Variants in PEG3 observed in about 807,000 individuals in gnomAD.
The protein encoded by PEG3 is paternally-expressed gene 3 protein.
In PEG3, 23 loss-of-function variants were observed where a neutral mutation model predicts 35.5. The ratio of observed to expected loss-of-function variants is 0.65; its 90% CI spans 0.47 to 0.92. PEG3 has a LOEUF of 0.92. PEG3 is among the 40% of genes least tolerant of loss of function. PEG3 has a pLI of 0.00. For synonymous variants in PEG3, 707 were observed against 697.0 expected, an observed-to-expected ratio of 1.01 and a Z score of -0.23; for missense variants, 1,960 against 1,985.3, an observed-to-expected ratio of 0.99 and a Z score of 0.24.
At position 56,816,022 on chromosome 19, in the gene PEG3, A is replaced by G; in HGVS notation, c.2420T>C (p.Ile807Thr). Residue 807 changes from isoleucine (I) to threonine (T), a missense_variant, in exon 10 of 10, where the codon ATT (isoleucine) becomes ACT (threonine). Ile to Thr is a moderately conservative substitution (Grantham distance 89). Coordinates refer to ENST00000326441, the MANE Select transcript of PEG3 (RefSeq NM_006210.3). ...SKPKVMAEST[I>T]QSFDAINHQR... The stretch of plus-strand genomic sequence containing the variant: ...ATGGTTGATAGCATCGAAGCTCTGA[A>G]TGGTAGACTCTGCCATTACTTTTGG... The G allele has an allele frequency of 6.3e-7, 1 of 1,593,296 alleles. No individual in the cohort carries two copies. The highest frequency in any genetic ancestry group is 8.5e-7 in the Non-Finnish European group (1 of 1,170,546).
rs553493607 is a variant in PEG3 at position 56,825,282 on chromosome 19, A to G, written c.-86-541T>C. On this transcript the variant is annotated intron_variant, in intron 3 of 9. Coordinates refer to ENST00000326441, the MANE Select transcript of PEG3 (RefSeq NM_006210.3). ...TACAACATGTAAAAAATGGAAGACC[A>G]TTCAAAAATATTAAAAGTACTCAAC... 3.3e-5 allele frequency among the ~76,000 whole-genome samples: 5 copies of G among 152,384 alleles called. No individual in the cohort carries two copies. The South Asian group carries it at 6.2e-4, about 19-fold the overall frequency.
In PEG3 at chr19:56,823,739, C is replaced by T. The variant is rs2060736749; in HGVS notation, c.395-60G>A. On this transcript the variant is annotated intron_variant, in intron 4 of 9. Transcript: ENST00000326441. ...GGCCCACATTCTCACAATAGTTCCC[C>T]CCAATCCCTGAGCCGCATCTCCCTG... 5 of 1,586,624 alleles carry T rather than the reference C, an allele frequency of 3.2e-6. No individual in the cohort carries two copies. In the South Asian group the frequency reaches 5.5e-5, roughly 18 times the overall value.
chr19:56,814,203 C>G lies in PEG3; in HGVS notation c.4239G>C (p.Val1413=). ...CCTCTCCGTTTGGCTCAGCAGCCTC[C>G]ACTTCTGGCTCAGCAGCCTCCACTT... The part of the protein sequence containing the change: ...EPEVEAAEPE[V]EAAEPNGEAE... Residue 1413 remains valine (V), a synonymous_variant, in exon 10 of 10, where the codon GTG becomes GTC. Transcript: ENST00000326441. This position sits in a 1 kb window ranked among gnomAD's most constrained non-coding sequence, Gnocchi z 5.8. 6.2e-7 allele frequency: 1 copy of G among 1,611,296 alleles called. No individual in the cohort carries two copies. Among genetic ancestry groups the G allele is most frequent in the Non-Finnish European group, 8.5e-7 (1 of 1,178,194 alleles).
chr19:56,816,978 G>A lies in PEG3; in HGVS notation c.1464C>T (p.His488=), dbSNP rs2060038627. 6.2e-7 allele frequency: 1 copy of A among 1,614,162 alleles called. No homozygotes were observed. The highest frequency in any genetic ancestry group is 1.6e-4 in the Middle Eastern group (1 of 6,062). Residue 488 remains histidine (H), a synonymous_variant, in exon 10 of 10, where the codon CAC becomes CAT. Coordinates refer to ENST00000326441, the MANE Select transcript of PEG3 (RefSeq NM_006210.3). ...TCTGAACTTCACTGACAGCCACACTGTGGATAAAGGACTCACCATACTCAT... is the reference window on the plus strand; with the variant it reads ...TCTGAACTTCACTGACAGCCACACTATGGATAAAGGACTCACCATACTCAT... ...NLYEYGESFI[H]SVAVSEVQKS...
chr19:56,824,750 C>T lies in PEG3; in HGVS notation c.-86-9G>A, dbSNP rs2060855861. The T allele has an allele frequency of 7.4e-6, 9 of 1,209,804 alleles. No individual in the cohort carries two copies. Among genetic ancestry groups the T allele is most frequent in the South Asian group, 1.5e-5 (1 of 67,318 alleles). The allele number at this position is 1,209,804 out of a possible 1,614,324, so 74.9% of individuals were successfully genotyped here. A position where few individuals can be genotyped will look rare whatever the true frequency, so the allele number is the denominator to read the frequency against. On this transcript the variant is annotated splice_polypyrimidine_tract_variant and intron_variant, in intron 3 of 9. Transcript: ENST00000326441. ...CGTCAGTACTCAGGGACCTGTGGAT[C>T]GTAAGGAGATATACACATGTCCCAG...
chr19:56,815,432 A>G lies in PEG3; in HGVS notation c.3010T>C (p.Trp1004Arg). The G allele has an allele frequency of 6.2e-7, 1 of 1,614,140 alleles. No individual in the cohort carries two copies. The highest frequency in any genetic ancestry group is 8.5e-7 in the Non-Finnish European group (1 of 1,179,978). Residue 1004 changes from tryptophan to arginine, a missense_variant, in exon 10 of 10, where the codon TGG (tryptophan) becomes CGG (arginine). Trp to Arg is a moderately radical substitution (Grantham distance 101). This residue lies in a region of PEG3 where 798 missense variants were observed against 782.4 expected (regional missense o/e 1.02). Transcript: ENST00000326441. ...GGGGCCAAGCTGCGAATGACAGACC[A>G]TTCATAGTTTCTGCTTCCAGAGGGC... The part of the protein sequence containing the change: ...EKPSGSRNYE[W>R]SVIRSLAPTD...
intron 7 of PEG3, among the ~76,000 whole-genome samples, chr19:56,819,187 A>T (rs1240755306): frequency 2.0e-5 from 3 of 152,154 alleles, no homozygotes; most frequent in Admixed American, 1.3e-4. Flanking sequence ...GTACTCAGGG[A>T]ACAGAAAGAA....
chr19:56,832,608 G>A (rs1362420218), intron 2 of PEG3, among the ~76,000 whole-genome samples: 2 of 152,158 alleles, frequency 1.3e-5, no homozygotes, highest in South Asian at 2.1e-4. Flanking sequence ...AGCAGTTAGG[G>A]GCACACAAGG....
At position 56,815,827 on chromosome 19, in the gene PEG3, C is replaced by T. The variant is rs1331847400; in HGVS notation, c.2615G>A (p.Arg872Gln). 6 of 1,613,344 alleles carry T rather than the reference C, an allele frequency of 3.7e-6. No homozygotes were observed. The highest frequency in any genetic ancestry group is 1.6e-4 in the Middle Eastern group (1 of 6,082). Reference sequence around the variant, plus strand: ...GTTCTCTCTGGCAGGAATCTTCTGTCGCTTATCATTAAGGTCTGAGATATA... The same window carrying T: ...GTTCTCTCTGGCAGGAATCTTCTGTTGCTTATCATTAAGGTCTGAGATATA... ...SIYISDLNDK[R>Q]QKIPARENPC... Residue 872 changes from arginine (R) to glutamine (Q), a missense_variant, in exon 10 of 10, where the codon CGA (arginine) becomes CAA (glutamine). Transcript: ENST00000326441.
chr19:56,813,931 T>C lies in PEG3; in HGVS notation c.4511A>G (p.Tyr1504Cys), dbSNP rs779784003. ...TTCTGTGCATTCATGGCAGTCATAG[T>C]ATGGTTCTTCTACCTGAATCTCTTG... ...EDQEIQVEEPYYDCHECTETF... is the reference protein window; with the variant it reads ...EDQEIQVEEPCYDCHECTETF... The change falls in exon 10 of 10, where the codon TAC (tyrosine) becomes TGC (cysteine). Residue 1504 changes from tyrosine to cysteine, a missense_variant. Physicochemically the swap from Tyr to Cys is radical, Grantham distance 194 (BLOSUM62 -2). Around this residue, in one of 5 missense-constraint regions of PEG3, gnomAD observed 416 missense variants for 416.7 expected, o/e 1.00. Transcript: ENST00000326441. 1.3e-5 allele frequency: 21 copies of C among 1,614,088 alleles called. 1 individual carries two copies. In the South Asian group the frequency reaches 2.3e-4, roughly 18 times the overall value.
rs748937128 is a variant in PEG3, at chr19:56,815,501, T to C, written c.2941A>G (p.Ser981Gly). 1 of 1,614,138 alleles carries C rather than the reference T, an allele frequency of 6.2e-7. No homozygotes were observed. The highest frequency in any genetic ancestry group is 8.5e-7 in the Non-Finnish European group (1 of 1,180,008). Residue 981 changes from serine to glycine, a missense_variant, in exon 10 of 10, where the codon AGC becomes GGC. Transcript: ENST00000326441. ...TTCTGGTGCTCAGTGAGGTCAGAGC[T>C]ATGAGCAAAGCACTCCCCACACTCC... ...CQECGECFAH[S>G]SDLTEHQKIH...
chr19:56,819,809 T>C (rs529121216), intron 7 of PEG3, among the ~76,000 whole-genome samples: 2 of 152,212 alleles, frequency 1.3e-5, no homozygotes, highest in East Asian at 3.9e-4. Flanking sequence ...AAATCTACCA[T>C]AGTTCTATTG....
At position 56,814,817 on chromosome 19, in the gene PEG3, G is replaced by T; in HGVS notation, c.3625C>A (p.Arg1209=). 1 of 1,614,152 alleles carries T rather than the reference G, an allele frequency of 6.2e-7. No individual in the cohort carries two copies. Among genetic ancestry groups the T allele is most frequent in the South Asian group, 1.1e-5 (1 of 91,074 alleles). The change falls in exon 10 of 10, where the codon CGG becomes AGG. Residue 1209 remains arginine, a synonymous_variant. Transcript: ENST00000326441. This position sits in a 1 kb window ranked among gnomAD's most constrained non-coding sequence, Gnocchi z 5.8. ...GFIALLPMKP[R]RNRAAERNPA... The stretch of plus-strand genomic sequence containing the variant: ...TTCCTCTCTGCAGCACGATTCCTCC[G>T]TGGCTTCATGGGCAAGAGGGCAATA...
intron 1 of PEG3, among the ~76,000 whole-genome samples, chr19:56,837,391 A>G (rs2062272714): frequency 6.6e-6 from 1 of 152,094 alleles, no homozygotes; most frequent in South Asian, 2.1e-4. Flanking sequence ...GAGTCTCCAA[A>G]TCACCTAGAC....
chr19:56,821,912 T>C (rs1220980556), intron 6 of PEG3, among the ~76,000 whole-genome samples, 158 bp from the exon 7 acceptor site: 1 of 151,870 alleles, frequency 6.6e-6, no homozygotes, highest in Non-Finnish European at 1.5e-5. Flanking sequence ...AGGAGTCCCA[T>C]AAAACCAGTG....
chr19:56,810,654 A>T lies in PEG3; in HGVS notation c.*3021T>A, dbSNP rs2048073107. The T allele has an allele frequency of 4.2e-6, 4 of 955,888 alleles. No homozygotes were observed. The highest frequency in any genetic ancestry group is 5.0e-6 in the Non-Finnish European group (4 of 803,074). The allele number at this position is 955,888 out of a possible 1,614,324, so 59.2% of individuals were successfully genotyped here. ...TTAAGGAATTTGAGACAAAATATTTAACCAAATTCCCACAATGACAACACT... is the reference window on the plus strand; with the variant it reads ...TTAAGGAATTTGAGACAAAATATTTTACCAAATTCCCACAATGACAACACT... On this transcript the variant is annotated 3_prime_UTR_variant, in exon 10 of 10. Coordinates refer to ENST00000326441, the MANE Select transcript of PEG3 (RefSeq NM_006210.3).
intron 7 of PEG3, among the ~76,000 whole-genome samples, chr19:56,819,490 AGTCATG>A (rs1436214557): frequency 2.0e-5 from 3 of 152,158 alleles, no homozygotes; most frequent in Non-Finnish European, 4.4e-5. Context: ...GGTTTCAGGG[AGTCATG>A]GTCCCAGGAA....
Position 56,815,913 on chromosome 19 carries a change from AGGT to A in PEG3, c.2526_2528del (p.Lys842_Pro843delinsAsn). The A allele has an allele frequency of 1.2e-6, 2 of 1,610,690 alleles. No homozygotes were observed. Among genetic ancestry groups the A allele is most frequent in the Non-Finnish European group, 1.7e-6 (2 of 1,178,258 alleles). ...ATTCATTTCCATTGTGACTTCTTGGAGGTTTGGAAGCCACTAAGCTATGGATAA... is the reference window on the plus strand; with the variant it reads ...ATTCATTTCCATTGTGACTTCTTGGATTGGAAGCCACTAAGCTATGGATAA... On this transcript the variant is annotated inframe_deletion, in exon 10 of 10. Transcript: ENST00000326441.
In PEG3 at chr19:56,813,688, G is replaced by A; in HGVS notation, c.4754C>T (p.Thr1585Ile). Residue 1585 changes from threonine to isoleucine, a missense_variant, in exon 10 of 10, where the codon ACC becomes ATC. Thr to Ile is a moderately conservative substitution (Grantham distance 89, BLOSUM62 -1). This residue lies in a region of PEG3 where 416 missense variants were observed against 416.7 expected (regional missense o/e 1.00). Transcript: ENST00000326441. ...TACCCCATGCCCTCAGCCAGTGTGG[G>A]TATTCTGGTGTCTGGCGAGGGACAG... is the stretch of plus-strand genomic sequence containing the variant. Reference protein sequence around the residue: ...DRLSLARHQNTHTG With the variant: ...DRLSLARHQNIHTG The A allele has an allele frequency of 6.2e-7, 1 of 1,613,084 alleles. No homozygotes were observed. Among genetic ancestry groups the A allele is most frequent in the South Asian group, 1.1e-5 (1 of 91,060 alleles).
Sources: gnomAD v4.1 joint callset for allele counts (sites outside exome capture counted in the v4.1 genomes callset) on GRCh38, gnomAD v4.1.1 for gene constraint, gnomAD v4.1.1 regional missense constraint, Gnocchi (gnomAD v3.1) non-coding constraint, MANE v1.5 for transcripts, NCBI Gene and HGNC (gene_info 2026-07-23, HGNC 2026-07-21) for gene names.